Variants in CSMD2 observed in about 807,000 individuals in gnomAD.
The protein encoded by CSMD2 is CUB and Sushi multiple domains 2.
CSMD2 carries 130 observed loss-of-function variants against 398.5 expected under a neutral mutation model. The observed-to-expected ratio is 0.33, with a 90% confidence interval of 0.28 to 0.38. The LOEUF (loss-of-function observed/expected upper bound fraction) is 0.38, where lower values mean the gene tolerates loss of function less well. Among genes scored for constraint, CSMD2 ranks in the 10% least tolerant of loss-of-function variants. The probability of loss-of-function intolerance (pLI) is 1.00; values close to 1 mark genes in which losing one functional copy is unlikely to be tolerated. For missense variants in CSMD2, 3,829 were observed against 4,764.9 expected (o/e 0.80, Z 5.78); for synonymous variants, 1,828 against 1,908.5 (o/e 0.96, Z 1.10).
intron 5 of CSMD2, among the ~76,000 whole-genome samples, chr1:33,883,902 G>C (rs191105123): frequency 1.2e-3 from 189 of 152,334 alleles, no homozygotes; most frequent in Non-Finnish European, 2.3e-3. Flanking sequence ...TAGAAGGAGA[G>C]GGTCAGCCCT....
chr1:33,675,105 G>A (rs952914121), intron 25 of CSMD2, among the ~76,000 whole-genome samples: 5 of 152,112 alleles, frequency 3.3e-5, no homozygotes, highest in Non-Finnish European at 7.4e-5. Flanking sequence ...AAATAACTAA[G>A]ATCAGGGCAG....
At chr1:33,759,326 T>TTTTTG (rs1553196476) in intron 13 of CSMD2, among the ~76,000 whole-genome samples, 5 of 128,302 alleles carry the variant, frequency 3.9e-5, no homozygotes, top group African/African-American at 1.5e-4. Flanking sequence ...TTTTTTTTCT[T>TTTTTG]TTTTTTTTTT....
At chr1:34,105,614 G>T (rs192016000) in intron 1 of CSMD2, among the ~76,000 whole-genome samples, 153 of 152,240 alleles carry the variant, frequency 1.0e-3, no homozygotes, top group Non-Finnish European at 1.7e-3. Context: ...ACCTCAAATG[G>T]TGTCTTAAAA....
At chr1:33,959,858 T>C (rs1052108605) in intron 3 of CSMD2, among the ~76,000 whole-genome samples, 4 of 152,204 alleles carry the variant, frequency 2.6e-5, no homozygotes, top group African/African-American at 7.2e-5. Flanking sequence ...TGAAATTATT[T>C]TTTGATTGGC....
intron 29 of CSMD2, among the ~76,000 whole-genome samples, chr1:33,638,059 G>A (rs1486980535): frequency 1.3e-5 from 2 of 152,156 alleles, no homozygotes; most frequent in African/African-American, 2.4e-5. Context: ...TGCACCTTAA[G>A]TCGTTGCCCG....
intron 19 of CSMD2, among the ~76,000 whole-genome samples, chr1:33,718,017 A>G (rs1311248096): frequency 6.6e-6 from 1 of 152,214 alleles, no homozygotes; most frequent in Non-Finnish European, 1.5e-5. Flanking sequence ...AAACTCATTT[A>G]ATTCTGCCAG....
chr1:33,922,790 C>T (rs998520156), intron 4 of CSMD2, among the ~76,000 whole-genome samples: 6 of 152,126 alleles, frequency 3.9e-5, no homozygotes, highest in East Asian at 3.9e-4. Flanking sequence ...TCCTGTCCCC[C>T]GCCATCACTG....
At chr1:33,548,455 A>C (rs1657116990) in intron 56 of CSMD2, among the ~76,000 whole-genome samples, 1 of 152,194 alleles carries the variant, frequency 6.6e-6, no homozygotes, top group Non-Finnish European at 1.5e-5. Flanking sequence ...AAATCTCTCC[A>C]TAGCCTTGGT....
intron 5 of CSMD2, among the ~76,000 whole-genome samples, chr1:33,889,374 A>G (rs1641827236): frequency 6.6e-6 from 1 of 152,218 alleles, no homozygotes; most frequent in Non-Finnish European, 1.5e-5. Context: ...TGAGATGGAT[A>G]AAAACAAAAC....
chr1:34,068,376 T>C (rs1329362102), intron 2 of CSMD2, among the ~76,000 whole-genome samples: 1 of 152,206 alleles, frequency 6.6e-6, no homozygotes, highest in Non-Finnish European at 1.5e-5. Context: ...AAACATGCAT[T>C]CTTATTATAA....
chr1:33,871,721 A>T (rs1420227398), intron 5 of CSMD2, among the ~76,000 whole-genome samples: 1 of 152,016 alleles, frequency 6.6e-6, no homozygotes, highest in Non-Finnish European at 1.5e-5. Context: ...GGTTCAAGTG[A>T]TTCTCCTGTC....
At chr1:33,795,540 A>G (rs76456163) in intron 10 of CSMD2, among the ~76,000 whole-genome samples, 5,577 of 152,266 alleles carry the variant, frequency 0.037, 333 homozygotes, top group African/African-American at 0.13. Flanking sequence ...AGGGCAGCCT[A>G]TTCATGACCC....
intron 1 of CSMD2, among the ~76,000 whole-genome samples, chr1:34,154,244 C>T (rs1213839325): frequency 6.6e-6 from 1 of 152,180 alleles, no homozygotes; most frequent in Non-Finnish European, 1.5e-5. Context: ...ATATTAGGTA[C>T]TCATGAGGAC....
rs577138458 is a variant in CSMD2, at chr1:33,573,092, T to C, written c.7577-401A>G. Among the ~76,000 whole-genome samples the C allele has an allele frequency of 4.9e-4, 74 of 152,280 alleles. 1 individual carries two copies. Among genetic ancestry groups the C allele is most frequent in the African/African-American group, 1.7e-3 (72 of 41,554 alleles). On this transcript the variant is annotated intron_variant, in intron 49 of 70. Transcript: ENST00000373381. ...GAATTAGGGCTGTTATGGTGGGAGTTGGCATCCCAGAGGAAAGCTCTTTTA... is the reference window on the plus strand; with the variant it reads ...GAATTAGGGCTGTTATGGTGGGAGTCGGCATCCCAGAGGAAAGCTCTTTTA...
intron 37 of CSMD2, among the ~76,000 whole-genome samples, chr1:33,620,288 TAGC>T (rs1231947350): frequency 6.6e-6 from 1 of 152,244 alleles, no homozygotes; most frequent in African/African-American, 2.4e-5. Flanking sequence ...GCCTGTACAA[TAGC>T]AGTTAATTCT....
rs1638761840 is a variant in CSMD2 at position 33,582,018 on chromosome 1, C to T, written c.7241-1119G>A. 3.9e-5 allele frequency among the ~76,000 whole-genome samples: 6 copies of T among 152,280 alleles called. No individual in the cohort carries two copies. In the South Asian group the frequency reaches 1.2e-3, roughly 32 times the overall value. On this transcript the variant is annotated intron_variant, in intron 47 of 70. Transcript: ENST00000373381. ...AGTTCTCAGGAAGACCTGGAGGACA[C>T]TCCATTTACTAAAGCAATCAGGAGG... is the stretch of plus-strand genomic sequence containing the variant.
chr1:34,155,627 G>A (rs1640742254), intron 1 of CSMD2, among the ~76,000 whole-genome samples: 5 of 152,146 alleles, frequency 3.3e-5, no homozygotes, highest in African/African-American at 9.7e-5. Flanking sequence ...TCAAGGCCAA[G>A]AAGCTCAGCA....
chr1:33,801,124 C>G (rs1325424139), intron 10 of CSMD2, among the ~76,000 whole-genome samples: 1 of 152,166 alleles, frequency 6.6e-6, no homozygotes, highest in Non-Finnish European at 1.5e-5. Flanking sequence ...ACGCTGTTAT[C>G]TTTGCTTTGA....
chr1:34,125,616 G>A (rs1662664859), intron 1 of CSMD2, among the ~76,000 whole-genome samples: 1 of 151,884 alleles, frequency 6.6e-6, no homozygotes, highest in African/African-American at 2.4e-5. Flanking sequence ...CACCAAAATA[G>A]CATCAAGCAA....
Sources: gnomAD v4.1 joint callset for allele counts (sites outside exome capture counted in the v4.1 genomes callset) on GRCh38, gnomAD v4.1.1 for gene constraint, MANE v1.5 for transcripts, NCBI Gene and HGNC (gene_info 2026-07-23, HGNC 2026-07-21) for gene names.